PDE4D: variants seen among roughly 807,000 people sequenced by gnomAD.
PDE4D encodes 3',5'-cyclic-AMP phosphodiesterase 4D.
In PDE4D, 24 loss-of-function variants were observed where a neutral mutation model predicts 87.4. The ratio of observed to expected loss-of-function variants is 0.27; its 90% CI spans 0.20 to 0.39. The LOEUF (loss-of-function observed/expected upper bound fraction) is 0.39. Among genes scored for constraint, PDE4D ranks in the 10% least tolerant of loss-of-function variants. The pLI is 1.00. For missense variants in PDE4D, 714 were observed against 1,041.0 expected, an observed-to-expected ratio of 0.69 and a Z score of 4.32; for synonymous variants, 384 against 383.2, an observed-to-expected ratio of 1.00 and a Z score of -0.02.
intron 1 of PDE4D, among the ~76,000 whole-genome samples, chr5:60,189,920 T>C (rs372181236): frequency 6.6e-6 from 1 of 152,230 alleles, no homozygotes; most frequent in Non-Finnish European, 1.5e-5. Context: ...ATTAGCTCTG[T>C]CTCTAACTTA....
intron 11 of PDE4D, 96 bp downstream of exon 11, chr5:58,988,397 A>G (rs773017263): frequency 6.3e-5 from 29 of 458,952 alleles, no homozygotes; most frequent in Non-Finnish European, 1.1e-4. Flanking sequence ...TCAAAAGAAC[A>G]TTATGGCTCT....
intron 1 of PDE4D, among the ~76,000 whole-genome samples, chr5:59,394,043 T>C (rs1160322926): frequency 6.6e-6 from 1 of 152,244 alleles, no homozygotes; most frequent in East Asian, 1.9e-4. Context: ...TTTCTTTCGA[T>C]TGAAGGTGTC....
At chr5:60,146,472 T>C (rs916872800) in intron 2 of PDE4D, among the ~76,000 whole-genome samples, 14 of 152,102 alleles carry the variant, frequency 9.2e-5, no homozygotes, top group Non-Finnish European at 2.1e-4. Flanking sequence ...CATTGGAAAA[T>C]TGCAAAACAG....
chr5:59,201,205 TTTAA>T (rs1160044879), intron 2 of PDE4D, among the ~76,000 whole-genome samples: 1 of 152,144 alleles, frequency 6.6e-6, no homozygotes, highest in East Asian at 1.9e-4. Flanking sequence ...ACATGCTTAT[TTTAA>T]TTAAATATAC....
chr5:60,497,578 A>AT (rs1429910396), intron 1 of PDE4D, among the ~76,000 whole-genome samples: 1 of 151,316 alleles, frequency 6.6e-6, no homozygotes, highest in Non-Finnish European at 1.5e-5. Flanking sequence ...AATTTTTTTT[A>AT]TTTTTTGTAG....
At chr5:59,659,022 T>C (rs1744820085) in intron 1 of PDE4D, among the ~76,000 whole-genome samples, 1 of 152,126 alleles carries the variant, frequency 6.6e-6, no homozygotes, top group Admixed American at 6.5e-5. Context: ...AAAGAAATTT[T>C]AATGCAACTT....
upstream of PDE4D, chr5:59,893,756 C>T: frequency 7.4e-7 from 1 of 1,355,540 alleles, no homozygotes; most frequent in Non-Finnish European, 9.4e-7. Context: ...CTTAGCTTCT[C>T]ACTTGAAGGC....
intron 1 of PDE4D, among the ~76,000 whole-genome samples, chr5:59,232,041 G>T (rs182839162): frequency 2.0e-5 from 3 of 152,122 alleles, no homozygotes; most frequent in East Asian, 1.9e-4. Context: ...ACACAGAACC[G>T]AGATTAACAA....
chr5:59,640,454 T>G (rs1741389085), intron 1 of PDE4D, among the ~76,000 whole-genome samples: 1 of 152,216 alleles, frequency 6.6e-6, no homozygotes, highest in South Asian at 2.1e-4. Flanking sequence ...AGTTTTGAAT[T>G]AAAAATTTAT....
intron 1 of PDE4D, among the ~76,000 whole-genome samples, chr5:59,626,905 T>A (rs1220227004): frequency 6.6e-6 from 1 of 152,230 alleles, no homozygotes; most frequent in African/African-American, 2.4e-5. Flanking sequence ...CTGTCTTTAT[T>A]ATGTCTGATA....
At chr5:59,336,374 G>T (rs2153579496) in intron 1 of PDE4D, among the ~76,000 whole-genome samples, 1 of 152,160 alleles carries the variant, frequency 6.6e-6, no homozygotes, top group South Asian at 2.1e-4. Context: ...AGCTATTTTT[G>T]GATTGTTTCC....
chr5:60,378,327 A>G (rs1223857508), intron 1 of PDE4D, among the ~76,000 whole-genome samples: 4 of 152,086 alleles, frequency 2.6e-5, no homozygotes, highest in African/African-American at 9.7e-5. Context: ...TTAGCTCCAT[A>G]CTCTACTCCT....
chr5:59,594,402 C>A (rs1014061173), intron 1 of PDE4D, among the ~76,000 whole-genome samples: 7 of 151,836 alleles, frequency 4.6e-5, no homozygotes, highest in Admixed American at 2.0e-4. Flanking sequence ...CTCACTGCAA[C>A]TTCCGCCTCC....
upstream of PDE4D, among the ~76,000 whole-genome samples, chr5:59,898,032 T>C (rs1751850279): frequency 6.6e-6 from 1 of 152,214 alleles, no homozygotes; most frequent in Non-Finnish European, 1.5e-5. Context: ...CTCTATCATA[T>C]TGTTTCCAAC....
At chr5:59,983,980 A>G (rs1383030126) in intron 3 of PDE4D, among the ~76,000 whole-genome samples, 1 of 152,194 alleles carries the variant, frequency 6.6e-6, no homozygotes, top group East Asian at 1.9e-4. Flanking sequence ...AAAAATAAAT[A>G]CATTATGCTA....
chr5:59,985,284 A>G (rs1172079675), intron 3 of PDE4D, among the ~76,000 whole-genome samples: 1 of 151,670 alleles, frequency 6.6e-6, no homozygotes. Context: ...GACTGCAGGC[A>G]CACACTGCCA....
chr5:59,963,804 G>A (rs886632984), intron 3 of PDE4D, among the ~76,000 whole-genome samples: 2 of 152,020 alleles, frequency 1.3e-5, no homozygotes, highest in African/African-American at 4.8e-5. Context: ...GGGATGGCTT[G>A]TTTCCTGCCT....
At chr5:59,498,208 C>T (rs1239112637) in intron 1 of PDE4D, among the ~76,000 whole-genome samples, 2 of 151,462 alleles carry the variant, frequency 1.3e-5, no homozygotes, top group African/African-American at 2.4e-5. Context: ...AAGGATGATC[C>T]TTGTTACCAT....
At chr5:59,943,627 G>A (rs1025124509) in intron 3 of PDE4D, among the ~76,000 whole-genome samples, 1 of 152,102 alleles carries the variant, frequency 6.6e-6, no homozygotes, top group Non-Finnish European at 1.5e-5. Context: ...CTGCTTAGCC[G>A]CGCCTTTCCT....
Sources: allele counts gnomAD v4.1 joint callset (sites outside exome capture counted in the v4.1 genomes callset), GRCh38; gene constraint gnomAD v4.1.1; transcripts MANE v1.5; gene names NCBI Gene and HGNC (gene_info 2026-07-23, HGNC 2026-07-21).